The following BCL11A variants were observed in gnomAD, a reference collection of about 807,000 sequenced individuals.
BCL11A encodes the protein BCL11 transcription factor A.
BCL11A carries 2 observed loss-of-function variants against 55.9 expected under a neutral mutation model. The ratio of observed to expected loss-of-function variants is 0.04; its 90% CI spans 0.01 to 0.11. The LOEUF (loss-of-function observed/expected upper bound fraction) is 0.11. BCL11A is among the 10% of genes least tolerant of loss of function. The pLI is 1.00. For synonymous variants in BCL11A, 465 were observed against 473.4 expected (o/e 0.98, Z 0.23); for missense variants, 817 against 1,137.1 (o/e 0.72, Z 4.05).
chr2:60,492,560 C>A (rs1678697753), intron 2 of BCL11A, among the ~76,000 whole-genome samples: 1 of 152,020 alleles, frequency 6.6e-6, no homozygotes, highest in South Asian at 2.1e-4. Flanking sequence ...TACTCATGCG[C>A]TTCTCAGACC....
At position 60,461,619 on chromosome 2, in the gene BCL11A, C is replaced by T; in HGVS notation, c.1293G>A (p.Ser431=). The T allele has an allele frequency of 6.2e-7, 1 of 1,613,682 alleles. No individual in the cohort carries two copies. The highest frequency in any genetic ancestry group is 8.5e-7 in the Non-Finnish European group (1 of 1,180,034). The change falls in exon 4 of 4, where the codon TCG becomes TCA. Residue 431 remains serine, a synonymous_variant. Coordinates refer to ENST00000642384, the MANE Select transcript of BCL11A (RefSeq NM_022893.4). ...KRHMKTHMHK[S]SPMTVKSDDG... is the part of the protein sequence containing the mutation. ...CGTCGGACTTGACCGTCATGGGGGA[C>T]GATTTGTGCATGTGCGTCTTCATGT...
chr2:60,533,000 T>C (rs1345248390), intron 2 of BCL11A: 5 of 152,212 alleles, frequency 3.3e-5, no homozygotes, highest in Non-Finnish European at 5.9e-5. Context: ...TATATAACAA[T>C]CTACCCTGGG....
At chr2:60,489,617 CT>C (rs1678501388) in intron 2 of BCL11A, among the ~76,000 whole-genome samples, 1 of 152,216 alleles carries the variant, frequency 6.6e-6, no homozygotes. Flanking sequence ...AAAAGAAAGT[CT>C]GACATTTGAA....
chr2:60,539,599 A>G (rs879422825), intron 2 of BCL11A, among the ~76,000 whole-genome samples: 12 of 152,214 alleles, frequency 7.9e-5, no homozygotes, highest in Non-Finnish European at 1.6e-4. Flanking sequence ...ATACAGTCTG[A>G]TGTTTACTGG....
chr2:60,541,748 G>T (rs945736010), intron 2 of BCL11A: 1 of 521,416 alleles, frequency 1.9e-6, no homozygotes, highest in Non-Finnish European at 3.4e-6. Flanking sequence ...TGGTAGTGGT[G>T]TTTTTTTGTT....
intron 2 of BCL11A, among the ~76,000 whole-genome samples, chr2:60,530,355 T>C (rs552752524): frequency 5.6e-5 from 8 of 141,598 alleles, no homozygotes; most frequent in African/African-American, 2.0e-4. Flanking sequence ...AAAAAAGAGT[T>C]TCCACTGATT....
At chr2:60,513,965 C>T (rs531647583) in intron 2 of BCL11A, among the ~76,000 whole-genome samples, 2 of 152,358 alleles carry the variant, frequency 1.3e-5, no homozygotes, top group East Asian at 3.9e-4. Flanking sequence ...AGTTCCACTA[C>T]TTTGAATTCT....
At chr2:60,467,179 G>GGCA (rs1676711916) in intron 3 of BCL11A, among the ~76,000 whole-genome samples, 1 of 145,296 alleles carries the variant, frequency 6.9e-6, no homozygotes, top group Non-Finnish European at 1.5e-5. Context: ...TGGTGGTGGT[G>GGCA]GTGGTGGTGA....
intron 2 of BCL11A, among the ~76,000 whole-genome samples, chr2:60,513,421 C>T (rs1668578195): frequency 6.6e-6 from 1 of 152,210 alleles, no homozygotes; most frequent in African/African-American, 2.4e-5. Flanking sequence ...AGGCTGTCCA[C>T]AGCAGAAACC....
chr2:60,495,054 C>T (rs1225804104), intron 2 of BCL11A, among the ~76,000 whole-genome samples: 2 of 152,178 alleles, frequency 1.3e-5, no homozygotes, highest in African/African-American at 2.4e-5. Flanking sequence ...GGGGAAGCTT[C>T]ACCTCCTTTA....
rs570672528 is a variant in BCL11A, at chr2:60,451,181, T to G, written c.*1394A>C. 3 of 199,056 alleles carry G rather than the reference T, an allele frequency of 1.5e-5. No homozygotes were observed. The South Asian group carries it at 5.8e-4, about 38-fold the overall frequency. 12.3% of individuals were successfully genotyped at this position (199,056 alleles called of 1,614,324 possible). On this transcript the variant is annotated 3_prime_UTR_variant, in exon 5 of 5. Coordinates refer to the BCL11A transcript ENST00000356842. ...GTTCACTACTGTAGACAGTCATTAT[T>G]TATTATGAATAAGCAGGAAATAATT...
chr2:60,546,283 T>C lies in BCL11A; in HGVS notation c.73A>G (p.Ile25Val). The change falls in exon 2 of 4, where the codon ATT (isoleucine) becomes GTT (valine). Residue 25 changes from isoleucine to valine, a missense_variant. This residue lies in a region of BCL11A where 363 missense variants were observed against 486.6 expected (regional missense o/e 0.75). Transcript: ENST00000642384. The surrounding 1 kb of genome is among the most constrained non-coding windows in gnomAD (Gnocchi z 4.1). ...REFSPEPLEA[I>V]LTDDEPDHGP... is the part of the protein sequence containing the mutation. ...TGGTCTGGTTCATCATCTGTAAGAA[T>C]GGCTTCAAGAGGCTCGGCTGTGGTT... 2 of 1,613,686 alleles carry C rather than the reference T, an allele frequency of 1.2e-6. No individual in the cohort carries two copies. Among genetic ancestry groups the C allele is most frequent in the Non-Finnish European group, 1.7e-6 (2 of 1,179,658 alleles).
intron 2 of BCL11A, chr2:60,543,119 T>C (rs1197035337): frequency 1.3e-5 from 2 of 151,894 alleles, no homozygotes; most frequent in Non-Finnish European, 2.9e-5. Flanking sequence ...TAAAGAACTC[T>C]GCCTTATTCT....
intron 2 of BCL11A, among the ~76,000 whole-genome samples, chr2:60,507,254 G>A (rs1237033723): frequency 2.5e-3 from 2 of 814 alleles, no homozygotes; most frequent in African/African-American, 0.014. Flanking sequence ...GAGGGGAGGG[G>A]AGGGGAGGGG....
intron 2 of BCL11A, among the ~76,000 whole-genome samples, chr2:60,498,854 T>TAC (rs1234575283): frequency 6.6e-6 from 1 of 150,838 alleles, no homozygotes; most frequent in African/African-American, 2.4e-5. Flanking sequence ...ACCTTATACA[T>TAC]ACATTTGAAT....
rs746061898 is a variant in BCL11A at position 60,460,929 on chromosome 2, G to A, written c.1983C>T (p.Ala661=). Residue 661 remains alanine (A), a synonymous_variant, in exon 4 of 4, where the codon GCC becomes GCT. Coordinates refer to ENST00000642384, the MANE Select transcript of BCL11A (RefSeq NM_022893.4). ...TGAGCTGCCTGGAGGCCGCGTAGCCGGCGAGCCACTGCGAGTACACGTTCT... is the reference window on the plus strand; with the variant it reads ...TGAGCTGCCTGGAGGCCGCGTAGCCAGCGAGCCACTGCGAGTACACGTTCT... ...NTENVYSQWL[A]GYAASRQLKD... 8.7e-6 allele frequency: 14 copies of A among 1,612,722 alleles called. No homozygotes were observed. The East Asian group carries it at 1.6e-4, about 18-fold the overall frequency.
downstream of BCL11A, among the ~76,000 whole-genome samples, chr2:60,453,596 C>A (rs545389052): frequency 1.1e-3 from 171 of 152,364 alleles, no homozygotes; most frequent in South Asian, 1.9e-3. Context: ...TCTGGGGAAT[C>A]CCATTCCCAG....
chr2:60,465,656 G>C (rs1029494666), intron 3 of BCL11A, among the ~76,000 whole-genome samples: 7 of 152,188 alleles, frequency 4.6e-5, no homozygotes, highest in Admixed American at 3.9e-4. Flanking sequence ...GTAACTCTGG[G>C]ATAGTCATTT....
At chr2:60,529,628 G>A (rs1446930591) in intron 2 of BCL11A, among the ~76,000 whole-genome samples, 1 of 152,094 alleles carries the variant, frequency 6.6e-6, no homozygotes, top group African/African-American at 2.4e-5. Flanking sequence ...AGCGGGGGCA[G>A]GTATCCATGG....
Sources: allele counts gnomAD v4.1 joint callset (sites outside exome capture counted in the v4.1 genomes callset), GRCh38; gene constraint gnomAD v4.1.1; regional missense constraint gnomAD v4.1.1; non-coding constraint Gnocchi (gnomAD v3.1); transcripts MANE v1.5; gene names NCBI Gene and HGNC (gene_info 2026-07-23, HGNC 2026-07-21).